The following IL1RN variants were observed in gnomAD, a reference collection of about 807,000 sequenced individuals.
The protein encoded by IL1RN is interleukin-1 receptor antagonist protein.
A neutral mutation model predicts 13.7 loss-of-function variants in IL1RN; 10 were observed. That is an observed-to-expected ratio of 0.73 (90% CI 0.45 to 1.24). The LOEUF is 1.24. Among genes scored for constraint, IL1RN ranks in the 50% most tolerant of loss-of-function variants. The pLI is 0.00. For synonymous variants in IL1RN, 102 were observed against 82.7 expected, an observed-to-expected ratio of 1.23 and a Z score of -1.27; for missense variants, 213 against 222.1, an observed-to-expected ratio of 0.96 and a Z score of 0.26.
intron 1 of IL1RN, among the ~76,000 whole-genome samples, chr2:113,118,848 C>T (rs4251977): frequency 0.21 from 31,812 of 152,040 alleles, 4,078 homozygotes; most frequent in South Asian, 0.28. Context: ...GCCTGCCTGG[C>T]CAACATGGTG....
chr2:113,106,270 G>A (rs1244745706), upstream of IL1RN, among the ~76,000 whole-genome samples: 1 of 152,136 alleles, frequency 6.6e-6, no homozygotes, highest in Non-Finnish European at 1.5e-5. Flanking sequence ...TAAGGAACAA[G>A]AACAGCAAAG....
At chr2:113,129,794 A>G (rs757454425) in intron 2 of IL1RN, 130 bp downstream of exon 2, 1 of 735,284 alleles carries the variant, frequency 1.4e-6, no homozygotes, top group Admixed American at 1.9e-5. Context: ...TTTGTATTCA[A>G]GTTTGAAGCT....
At chr2:113,109,846 G>A (rs1686463843), upstream of IL1RN, among the ~76,000 whole-genome samples, 2 of 151,138 alleles carry the variant, frequency 1.3e-5, no homozygotes, top group Admixed American at 1.3e-4. Context: ...TATTTGCATT[G>A]TCCTACTACA....
chr2:113,116,610 A>T (rs115996783), upstream of IL1RN, among the ~76,000 whole-genome samples: 1 of 151,242 alleles, frequency 6.6e-6, no homozygotes, highest in African/African-American at 2.4e-5. Flanking sequence ...GGGTTAGAGG[A>T]AATTGAAGGC....
At chr2:113,125,653 T>G (rs1686929209), upstream of IL1RN, among the ~76,000 whole-genome samples, 1 of 152,218 alleles carries the variant, frequency 6.6e-6, no homozygotes, top group Non-Finnish European at 1.5e-5. Context: ...GGAAGATGTG[T>G]TGGTTGAGAG....
At chr2:113,101,149 G>A in the IL1RN span, among the ~76,000 whole-genome samples, 1 of 152,210 alleles carries the variant, frequency 6.6e-6, no homozygotes, top group Admixed American at 6.5e-5. Context: ...AGGCTAGTTT[G>A]TAAAGCTTGT....
At chr2:113,125,129 G>A (rs776930923), upstream of IL1RN, among the ~76,000 whole-genome samples, 4 of 152,200 alleles carry the variant, frequency 2.6e-5, no homozygotes, top group Non-Finnish European at 4.4e-5. Context: ...TTCCAATTCC[G>A]GAGGGTTGAA....
Position 113,131,048 on chromosome 2 carries a change from A to C in IL1RN, c.209A>C (p.Lys70Thr). The change falls in exon 3 of 4, where the codon AAG (lysine) becomes ACG (threonine). Residue 70 changes from lysine to threonine, a missense_variant. Transcript: ENST00000409930. ...LQGPNVNLEE[K>T]IDVVPIEPHA... is the part of the protein sequence containing the mutation. ...CCTCCCCTCTGTTCTTCCCCAGAAAAGATAGATGTGGTACCCATTGAGCCT... is the reference window on the plus strand; with the variant it reads ...CCTCCCCTCTGTTCTTCCCCAGAAACGATAGATGTGGTACCCATTGAGCCT... 1 of 1,598,472 alleles carries C rather than the reference A, an allele frequency of 6.3e-7. No homozygotes were observed. The highest frequency in any genetic ancestry group is 8.6e-7 in the Non-Finnish European group (1 of 1,165,676).
At chr2:113,108,298 T>G (rs1044570581), upstream of IL1RN, among the ~76,000 whole-genome samples, 2 of 152,044 alleles carry the variant, frequency 1.3e-5, no homozygotes, top group African/African-American at 4.8e-5. Flanking sequence ...TTAGGGTACA[T>G]GTGCACAACG....
intron 2 of IL1RN, chr2:113,130,268 C>T (rs1687115978): frequency 6.1e-6 from 1 of 163,006 alleles, no homozygotes; most frequent in Non-Finnish European, 1.4e-5. Flanking sequence ...CCTCCACCTT[C>T]CCACCTTCCC....
chr2:113,132,936 T>A lies in IL1RN; in HGVS notation c.*65T>A. ...GGACTGCAGGGACTGCCAGTCCCCC[T>A]GCCCCAGGGCTCCCGGCTATGGGGG... is the stretch of plus-strand genomic sequence containing the variant. On this transcript the variant is annotated 3_prime_UTR_variant, in exon 4 of 4. Coordinates refer to ENST00000409930, the MANE Select transcript of IL1RN (RefSeq NM_173842.3). 6.6e-7 allele frequency: 1 copy of A among 1,504,030 alleles called. No individual in the cohort carries two copies. The highest frequency in any genetic ancestry group is 9.3e-7 in the Non-Finnish European group (1 of 1,080,632). 93.2% of individuals were successfully genotyped at this position (1,504,030 alleles called of 1,614,324 possible).
upstream of IL1RN, chr2:113,127,512 C>T (rs1197667874): frequency 1.1e-5 from 17 of 1,480,284 alleles, no homozygotes; most frequent in Non-Finnish European, 1.4e-5. Flanking sequence ...GGTATTTCCG[C>T]TTCTCGCAGT....
At chr2:113,124,525 G>A (rs1292584148), upstream of IL1RN, among the ~76,000 whole-genome samples, 2 of 152,136 alleles carry the variant, frequency 1.3e-5, no homozygotes, top group Non-Finnish European at 2.9e-5. Context: ...GGCTGGGAGT[G>A]CAGGGCAGGA....
chr2:113,130,095 A>G (rs447713), intron 2 of IL1RN: 41,038 of 193,634 alleles, frequency 0.21, 5,222 homozygotes, highest in Admixed American at 0.29. Flanking sequence ...TCTGGTCCAC[A>G]CATTAAACAA....
upstream of IL1RN, among the ~76,000 whole-genome samples, chr2:113,103,152 C>T (rs1425451843): frequency 2.0e-5 from 3 of 152,186 alleles, no homozygotes; most frequent in African/African-American, 7.2e-5. Context: ...GGTGCTATCA[C>T]TCCATCCTGT....
At chr2:113,126,625 G>C (rs3087262), upstream of IL1RN, among the ~76,000 whole-genome samples, 27,327 of 152,030 alleles carry the variant, frequency 0.18, 3,123 homozygotes, top group East Asian at 0.58. Flanking sequence ...ATGTGTATCA[G>C]AGCCCATTAT....
chr2:113,116,613 T>C (rs1686600114), upstream of IL1RN, among the ~76,000 whole-genome samples: 1 of 150,058 alleles, frequency 6.7e-6, no homozygotes, highest in South Asian at 2.2e-4. Flanking sequence ...TTAGAGGAAA[T>C]TGAAGGCCCT....
upstream of IL1RN, among the ~76,000 whole-genome samples, chr2:113,114,051 A>T (rs1389367735): frequency 6.6e-6 from 1 of 152,192 alleles, no homozygotes; most frequent in Admixed American, 6.5e-5. Context: ...GACATGCTTA[A>T]GCTGGTTTTG....
upstream of IL1RN, among the ~76,000 whole-genome samples, chr2:113,110,887 G>C (rs1201356127): frequency 4.6e-5 from 7 of 152,188 alleles, no homozygotes; most frequent in African/African-American, 1.7e-4. Flanking sequence ...CTAAATCGAT[G>C]TGTTGGACAT....
Sources: gnomAD v4.1 joint callset for allele counts (sites outside exome capture counted in the v4.1 genomes callset) on GRCh38, gnomAD v4.1.1 for gene constraint, MANE v1.5 for transcripts, NCBI Gene and HGNC (gene_info 2026-07-23, HGNC 2026-07-21) for gene names.